SLC9C1: variants seen among roughly 807,000 people sequenced by gnomAD.
The protein encoded by SLC9C1 is sodium/hydrogen exchanger 10.
SLC9C1 carries 97 observed loss-of-function variants against 140.9 expected under a neutral mutation model. The ratio of observed to expected loss-of-function variants is 0.69; its 90% confidence interval spans 0.58 to 0.82. The LOEUF is 0.82. SLC9C1 is among the 40% of genes least tolerant of loss of function. The probability of loss-of-function intolerance (pLI) is 0.00; values close to 1 mark genes in which losing one functional copy is unlikely to be tolerated. For missense variants in SLC9C1, 1,340 were observed against 1,389.3 expected, an observed-to-expected ratio of 0.96 and a Z score of 0.56; for synonymous variants, 440 against 442.6, an observed-to-expected ratio of 0.99 and a Z score of 0.07.
intron 15 of SLC9C1, among the ~76,000 whole-genome samples, chr3:112,214,982 C>T (rs1347834599): frequency 6.6e-6 from 1 of 152,196 alleles, no homozygotes; most frequent in Non-Finnish European, 1.5e-5. Context: ...CAAACCGAAT[C>T]CAGCAGCACA....
At chr3:112,290,818 T>TC in intron 1 of SLC9C1, among the ~76,000 whole-genome samples, 1 of 151,620 alleles carries the variant, frequency 6.6e-6, no homozygotes, top group Non-Finnish European at 1.5e-5. Context: ...TTCCTTCTTT[T>TC]TTTTTTTTTT....
At chr3:112,195,494 T>C (rs1358530644) in intron 20 of SLC9C1, among the ~76,000 whole-genome samples, 1 of 152,148 alleles carries the variant, frequency 6.6e-6, no homozygotes, top group African/African-American at 2.4e-5. Flanking sequence ...TTGCTGTATT[T>C]TTTTTGTATA....
intron 26 of SLC9C1, among the ~76,000 whole-genome samples, chr3:112,166,215 T>C (rs1267974721): frequency 2.6e-5 from 4 of 152,232 alleles, no homozygotes; most frequent in African/African-American, 9.6e-5. Context: ...CCCTTGTGCT[T>C]CCCAGGTGAG....
intron 26 of SLC9C1, among the ~76,000 whole-genome samples, chr3:112,162,755 G>A (rs1462915943): frequency 4.8e-5 from 7 of 144,484 alleles, no homozygotes; most frequent in Non-Finnish European, 7.5e-5. Context: ...GTCTCTGCCC[G>A]GCTTTGGTAT....
At chr3:112,159,435 A>C (rs534228817) in intron 26 of SLC9C1, among the ~76,000 whole-genome samples, 1 of 152,070 alleles carries the variant, frequency 6.6e-6, no homozygotes, top group South Asian at 2.1e-4. Flanking sequence ...TATTTGATAT[A>C]GTTTTGACTT....
At chr3:112,246,620 C>CA (rs999129291) in intron 10 of SLC9C1, among the ~76,000 whole-genome samples, 1 of 152,034 alleles carries the variant, frequency 6.6e-6, no homozygotes, top group African/African-American at 2.4e-5. Flanking sequence ...TATATGCACA[C>CA]AGTGTTGTAC....
chr3:112,241,923 C>T (rs1031106204), intron 11 of SLC9C1, among the ~76,000 whole-genome samples: 1 of 152,148 alleles, frequency 6.6e-6, no homozygotes, highest in African/African-American at 2.4e-5. Flanking sequence ...TGGACCTCTA[C>T]CTTTCACTAT....
At chr3:112,220,234 A>G (rs968391864) in intron 14 of SLC9C1, among the ~76,000 whole-genome samples, 1 of 152,216 alleles carries the variant, frequency 6.6e-6, no homozygotes, top group Non-Finnish European at 1.5e-5. Flanking sequence ...GAAAACTCTT[A>G]GTTACTTTGA....
At chr3:112,165,855 C>A (rs1191298414) in intron 26 of SLC9C1, among the ~76,000 whole-genome samples, 1 of 152,232 alleles carries the variant, frequency 6.6e-6, no homozygotes, top group Non-Finnish European at 1.5e-5. Context: ...TTGGCAATGT[C>A]CTGCCCCCAG....
At chr3:112,279,869 G>C (rs2080313011) in intron 3 of SLC9C1, among the ~76,000 whole-genome samples, 1 of 152,176 alleles carries the variant, frequency 6.6e-6, no homozygotes, top group African/African-American at 2.4e-5. Flanking sequence ...CATCTCTTTT[G>C]CTGGGATCAT....
At chr3:112,224,148 G>A (rs1173712185) in intron 13 of SLC9C1, among the ~76,000 whole-genome samples, 1 of 152,142 alleles carries the variant, frequency 6.6e-6, no homozygotes, top group Admixed American at 6.5e-5. Flanking sequence ...CCCCACATAG[G>A]TAGACCAGCC....
chr3:112,179,881 G>A (rs2077406498), intron 22 of SLC9C1, among the ~76,000 whole-genome samples, 180 bp from the exon 23 acceptor site: 1 of 152,080 alleles, frequency 6.6e-6, no homozygotes, highest in Non-Finnish European at 1.5e-5. Context: ...TAGACACAAA[G>A]CATTCTTAAA....
chr3:112,210,675 A>G (rs1384651786), intron 15 of SLC9C1, among the ~76,000 whole-genome samples: 1 of 152,206 alleles, frequency 6.6e-6, no homozygotes. Context: ...AAAAGAGAAT[A>G]CTATTCCTAT....
chr3:112,173,433 A>G (rs1274928844), intron 23 of SLC9C1, among the ~76,000 whole-genome samples: 1 of 152,122 alleles, frequency 6.6e-6, no homozygotes, highest in Non-Finnish European at 1.5e-5. Flanking sequence ...CTTCCTCCCT[A>G]CACTCCACTC....
At chr3:112,263,971 A>T (rs921124002) in intron 9 of SLC9C1, among the ~76,000 whole-genome samples, 4 of 151,786 alleles carry the variant, frequency 2.6e-5, no homozygotes, top group African/African-American at 9.7e-5. Context: ...TGGACAAAAT[A>T]TGTCAAATGT....
intron 20 of SLC9C1, among the ~76,000 whole-genome samples, chr3:112,194,203 T>C (rs1226560714): frequency 6.6e-6 from 1 of 152,176 alleles, no homozygotes; most frequent in East Asian, 1.9e-4. Flanking sequence ...GACTGTGCGA[T>C]ACTTCTGTAG....
chr3:112,267,123 T>C (rs2079939535), intron 7 of SLC9C1, among the ~76,000 whole-genome samples: 1 of 151,862 alleles, frequency 6.6e-6, no homozygotes, highest in Non-Finnish European at 1.5e-5. Flanking sequence ...ACAAACAATT[T>C]TAAAAATTGG....
At chr3:112,283,396 T>C (rs1299035434) in intron 2 of SLC9C1, among the ~76,000 whole-genome samples, 1 of 150,932 alleles carries the variant, frequency 6.6e-6, no homozygotes, top group African/African-American at 2.4e-5. Flanking sequence ...GGTGGGAGGA[T>C]CACTTGCACC....
intron 15 of SLC9C1, among the ~76,000 whole-genome samples, chr3:112,214,185 A>G (rs1052862565): frequency 2.0e-5 from 3 of 152,238 alleles, no homozygotes; most frequent in African/African-American, 4.8e-5. Flanking sequence ...AGCATACCAG[A>G]ATCTCTGGGA....
Sources: allele counts gnomAD v4.1 joint callset (sites outside exome capture counted in the v4.1 genomes callset), GRCh38; gene constraint gnomAD v4.1.1; transcripts MANE v1.5; gene names NCBI Gene and HGNC (gene_info 2026-07-23, HGNC 2026-07-21).